AGPAT5: variants seen among roughly 807,000 people sequenced by gnomAD.
AGPAT5 encodes the protein 1-acyl-sn-glycerol-3-phosphate acyltransferase epsilon.
AGPAT5 carries 46 observed loss-of-function variants against 45.6 expected under a neutral mutation model. That is an observed-to-expected ratio of 1.01 (90% CI 0.80 to 1.29). The LOEUF (loss-of-function observed/expected upper bound fraction) is 1.29. Ranked by LOEUF, AGPAT5 falls within the 50% of genes most tolerant of loss-of-function variation. The pLI is 0.00. For missense variants in AGPAT5, 673 were observed against 450.7 expected (o/e 1.49, Z -4.47); for synonymous variants, 272 against 167.0 (o/e 1.63, Z -4.85).
In AGPAT5 at chr8:6,757,354, T is replaced by A. The variant is rs368969242; in HGVS notation, c.1061T>A (p.Leu354Gln). 6.2e-7 allele frequency: 1 copy of A among 1,614,230 alleles called. No homozygotes were observed. ...LYVNTWIYGT[L>Q]LGCLWVTIKA is the part of the protein sequence containing the mutation. ...GTGAACACCTGGATATATGGAACCC[T>A]ACTTGGCTGCCTGTGGGTTACTATT... is the stretch of plus-strand genomic sequence containing the variant. Residue 354 changes from leucine (L) to glutamine (Q), a missense_variant, in exon 8 of 8, where the codon CTA (leucine) becomes CAA (glutamine). Leu to Gln is a moderately radical substitution (Grantham distance 113). Coordinates refer to ENST00000285518, the MANE Select transcript of AGPAT5 (RefSeq NM_018361.5).
chr8:6,751,288 C>G (rs951372124), intron 6 of AGPAT5, among the ~76,000 whole-genome samples: 1 of 152,136 alleles, frequency 6.6e-6, no homozygotes, highest in African/African-American at 2.4e-5. Flanking sequence ...TTTTATGATG[C>G]AATTAAGAAA....
intron 1 of AGPAT5, among the ~76,000 whole-genome samples, chr8:6,715,918 A>T (rs1800314176): frequency 6.6e-6 from 1 of 152,146 alleles, no homozygotes; most frequent in Non-Finnish European, 1.5e-5. Context: ...AACATAATAA[A>T]CATGAGGAGT....
chr8:6,737,872 C>A (rs935515716), intron 4 of AGPAT5, among the ~76,000 whole-genome samples: 16 of 152,322 alleles, frequency 1.1e-4, no homozygotes, highest in African/African-American at 3.6e-4. Flanking sequence ...TTAAACCTCA[C>A]GAACCAACCT....
At chr8:6,756,747 G>A (rs891263471) in intron 7 of AGPAT5, among the ~76,000 whole-genome samples, 1 of 152,052 alleles carries the variant, frequency 6.6e-6, no homozygotes, top group African/African-American at 2.4e-5. Flanking sequence ...GCCCCCTGTC[G>A]ATACAGAGGG....
chr8:6,716,799 C>T (rs1204297252), intron 1 of AGPAT5, among the ~76,000 whole-genome samples: 1 of 152,128 alleles, frequency 6.6e-6, no homozygotes, highest in African/African-American at 2.4e-5. Context: ...CACCATTGCA[C>T]TCCAGACTGG....
intron 5 of AGPAT5, among the ~76,000 whole-genome samples, chr8:6,745,604 A>G (rs1336151036): frequency 6.6e-6 from 1 of 152,222 alleles, no homozygotes; most frequent in Non-Finnish European, 1.5e-5. Flanking sequence ...TGTTGAAGAT[A>G]AATATCACCT....
intron 1 of AGPAT5, among the ~76,000 whole-genome samples, chr8:6,716,632 G>A (rs774415473): frequency 3.9e-5 from 6 of 152,038 alleles, no homozygotes; most frequent in Non-Finnish European, 7.4e-5. Flanking sequence ...TCGGGAGTTC[G>A]AGATCAGCCT....
chr8:6,708,952 G>A (rs1800038093), intron 1 of AGPAT5, 65 bp downstream of exon 1: 1 of 1,477,840 alleles, frequency 6.8e-7, no homozygotes, highest in Non-Finnish European at 9.2e-7. Flanking sequence ...GGACCTCTCC[G>A]CTCCCCCACA....
In AGPAT5 at chr8:6,747,785, G is replaced by T; in HGVS notation, c.702G>T (p.Gly234=). The stretch of plus-strand genomic sequence containing the variant: ...ATGATGTTACGGTGGTTTATGAAGG[G>T]AAAGACGATGGAGGGCAGCGAAGAG... ...AIYDVTVVYE[G]KDDGGQRRES... The change falls in exon 6 of 8, where the codon GGG becomes GGT. Residue 234 remains glycine (G), a synonymous_variant. Coordinates refer to ENST00000285518, the MANE Select transcript of AGPAT5 (RefSeq NM_018361.5). 3 of 1,614,138 alleles carry T rather than the reference G, an allele frequency of 1.9e-6. No homozygotes were observed. Among genetic ancestry groups the T allele is most frequent in the Non-Finnish European group, 2.5e-6 (3 of 1,180,020 alleles).
At chr8:6,752,582 T>TC (rs34827825) in intron 6 of AGPAT5, among the ~76,000 whole-genome samples, 34,768 of 152,050 alleles carry the variant, frequency 0.23, 4,366 homozygotes, top group African/African-American at 0.32. Flanking sequence ...GGGCTTGGTT[T>TC]TGCAGCAAGT....
chr8:6,734,379 C>T (rs911704563), intron 4 of AGPAT5, among the ~76,000 whole-genome samples: 1 of 151,610 alleles, frequency 6.6e-6, no homozygotes, highest in South Asian at 2.1e-4. Context: ...GTTGAGTCTA[C>T]TGGTGAGCCA....
At chr8:6,715,603 G>C (rs1800301786) in intron 1 of AGPAT5, among the ~76,000 whole-genome samples, 1 of 152,206 alleles carries the variant, frequency 6.6e-6, no homozygotes, top group African/African-American at 2.4e-5. Flanking sequence ...TAGTAGCCTA[G>C]CCAGGAGTTT....
rs761794477 is a variant in AGPAT5, at chr8:6,758,466, AG to A, written c.*1079del. On this transcript the variant is annotated 3_prime_UTR_variant, in exon 8 of 8. Coordinates refer to ENST00000285518, the MANE Select transcript of AGPAT5 (RefSeq NM_018361.5). ...CGGCTTGCACGCAGACTTGCTAGGA[AG>A]AAATGCAGAGCCAGCCTGTGCTGCC... is the stretch of plus-strand genomic sequence containing the variant. 3.3e-5 allele frequency: 5 copies of A among 152,634 alleles called. No homozygotes were observed. Among genetic ancestry groups the A allele is most frequent in the Non-Finnish European group, 5.9e-5 (4 of 68,064 alleles). 9.5% of individuals were successfully genotyped at this position (152,634 alleles called of 1,614,324 possible). A position where few individuals can be genotyped will look rare whatever the true frequency, so the allele number is the denominator to read the frequency against.
At chr8:6,752,540 G>A (rs1801688946) in intron 6 of AGPAT5, among the ~76,000 whole-genome samples, 1 of 151,578 alleles carries the variant, frequency 6.6e-6, no homozygotes, top group South Asian at 2.1e-4. Flanking sequence ...TTGTTGGAAT[G>A]TGGGTCCTGT....
chr8:6,752,119 G>T (rs1430083369), intron 6 of AGPAT5, among the ~76,000 whole-genome samples: 1 of 152,136 alleles, frequency 6.6e-6, no homozygotes, highest in African/African-American at 2.4e-5. Flanking sequence ...AGCAGTTGCA[G>T]TGAGCTAAGA....
chr8:6,733,566 A>G (rs900540540), intron 4 of AGPAT5, among the ~76,000 whole-genome samples: 3 of 152,226 alleles, frequency 2.0e-5, no homozygotes, highest in Admixed American at 6.5e-5. Flanking sequence ...TTATCCTGTT[A>G]TAGCTAACCC....
At chr8:6,714,191 C>G (rs1281721908) in intron 1 of AGPAT5, among the ~76,000 whole-genome samples, 2 of 152,192 alleles carry the variant, frequency 1.3e-5, no homozygotes, top group African/African-American at 4.8e-5. Flanking sequence ...TAATTTTACT[C>G]TTCTCTGCTT....
At position 6,732,645 on chromosome 8, in the gene AGPAT5, A is replaced by G. The variant is rs1484740812; in HGVS notation, c.490A>G (p.Thr164Ala). 6.2e-7 allele frequency: 1 copy of G among 1,605,438 alleles called. No homozygotes were observed. The highest frequency in any genetic ancestry group is 1.1e-5 in the South Asian group (1 of 88,940). ...NKLQSYVDAG[T>A]PMYLVIFPEG... ...GTTGCAGAGCTACGTGGACGCAGGA[A>G]CTCCAGTAAGAGCCTACCCGTTTTT... The change falls in exon 4 of 8, where the codon ACT (threonine) becomes GCT (alanine). Residue 164 changes from threonine to alanine, a missense_variant. Physicochemically the swap from Thr to Ala is moderately conservative, Grantham distance 58 (BLOSUM62 0). Transcript: ENST00000285518.
chr8:6,715,827 C>G (rs1800310395), intron 1 of AGPAT5, among the ~76,000 whole-genome samples: 1 of 152,120 alleles, frequency 6.6e-6, no homozygotes, highest in African/African-American at 2.4e-5. Flanking sequence ...GTGGAGAAGG[C>G]TATAAAAATT....
Sources: allele counts gnomAD v4.1 joint callset (sites outside exome capture counted in the v4.1 genomes callset), GRCh38; gene constraint gnomAD v4.1.1; transcripts MANE v1.5; gene names NCBI Gene and HGNC (gene_info 2026-07-23, HGNC 2026-07-21).